Variants in PPM1L observed in about 807,000 individuals in gnomAD.
The protein encoded by PPM1L is protein phosphatase 1L.
A neutral mutation model predicts 31.4 loss-of-function variants in PPM1L; 13 were observed. The ratio of observed to expected loss-of-function variants is 0.41; its 90% confidence interval spans 0.27 to 0.66. The LOEUF (loss-of-function observed/expected upper bound fraction) is 0.66, where lower values mean the gene tolerates loss of function less well. Ranked by LOEUF, PPM1L falls within the 30% of genes least tolerant of loss-of-function variation. The pLI is 0.29. For synonymous variants in PPM1L, 184 were observed against 175.4 expected, an observed-to-expected ratio of 1.05 and a Z score of -0.39; for missense variants, 326 against 453.7, an observed-to-expected ratio of 0.72 and a Z score of 2.56.
At chr3:160,819,252 C>G (rs1379496754) in intron 1 of PPM1L, among the ~76,000 whole-genome samples, 1 of 151,748 alleles carries the variant, frequency 6.6e-6, no homozygotes, top group African/African-American at 2.4e-5. Flanking sequence ...TGTAAGACAC[C>G]CTGAAATGTG....
chr3:160,777,593 A>G (rs187490549), intron 1 of PPM1L, among the ~76,000 whole-genome samples: 243 of 152,312 alleles, frequency 1.6e-3, no homozygotes, highest in African/African-American at 5.2e-3. Context: ...ACTACTGCAT[A>G]TAAGTGGAAT....
chr3:160,765,739 G>T (rs1294322792), intron 1 of PPM1L, among the ~76,000 whole-genome samples: 2 of 152,170 alleles, frequency 1.3e-5, no homozygotes, highest in African/African-American at 2.4e-5. Context: ...TTACTTCAGA[G>T]TACCAAAGGC....
At chr3:160,832,994 C>G (rs923251430) in intron 1 of PPM1L, among the ~76,000 whole-genome samples, 2 of 152,122 alleles carry the variant, frequency 1.3e-5, no homozygotes, top group Non-Finnish European at 2.9e-5. Context: ...TGTTCAGCTC[C>G]CACTTATAAG....
chr3:161,063,818 A>C (rs1289834089), intron 2 of PPM1L, among the ~76,000 whole-genome samples: 3 of 152,242 alleles, frequency 2.0e-5, no homozygotes, highest in Non-Finnish European at 4.4e-5. Context: ...GCACATATAC[A>C]CCACGGAATA....
intron 1 of PPM1L, among the ~76,000 whole-genome samples, chr3:160,809,310 T>A (rs1712737334): frequency 6.6e-6 from 1 of 152,162 alleles, no homozygotes; most frequent in South Asian, 2.1e-4. Flanking sequence ...TTGGCATGGC[T>A]CTGAAGTAAA....
intron 1 of PPM1L, among the ~76,000 whole-genome samples, chr3:160,828,104 T>C (rs1476800422): frequency 6.6e-6 from 1 of 151,942 alleles, no homozygotes; most frequent in Non-Finnish European, 1.5e-5. Context: ...ACCTCCAGCA[T>C]TGGTGATTAC....
At chr3:160,999,815 T>TA (rs1717425862) in intron 2 of PPM1L, among the ~76,000 whole-genome samples, 1 of 152,238 alleles carries the variant, frequency 6.6e-6, no homozygotes, top group South Asian at 2.1e-4. Context: ...CAAAAGTACT[T>TA]ACCTTTGACT....
At chr3:160,792,907 T>C (rs1712143967) in intron 1 of PPM1L, among the ~76,000 whole-genome samples, 1 of 152,230 alleles carries the variant, frequency 6.6e-6, no homozygotes, top group African/African-American at 2.4e-5. Context: ...CACATTGATA[T>C]ATGATTACCA....
chr3:160,923,166 C>T (rs1480354538), intron 1 of PPM1L, among the ~76,000 whole-genome samples: 1 of 152,150 alleles, frequency 6.6e-6, no homozygotes, highest in African/African-American at 2.4e-5. Flanking sequence ...TCCCTATTCA[C>T]TGATGAGGTT....
chr3:160,898,725 C>T (rs1713431247), intron 1 of PPM1L, among the ~76,000 whole-genome samples: 1 of 152,154 alleles, frequency 6.6e-6, no homozygotes, highest in Non-Finnish European at 1.5e-5. Context: ...TCATGAAGAC[C>T]TATCACTGGG....
chr3:161,064,024 T>C (rs1442211592), intron 2 of PPM1L, among the ~76,000 whole-genome samples: 2 of 150,970 alleles, frequency 1.3e-5, no homozygotes, highest in African/African-American at 4.9e-5. Flanking sequence ...TGTCAGGGGG[T>C]GTGGGGCAAG....
intron 2 of PPM1L, among the ~76,000 whole-genome samples, chr3:160,978,855 A>AAG (rs1195614395): frequency 6.6e-6 from 1 of 151,790 alleles, no homozygotes; most frequent in Admixed American, 6.6e-5. Flanking sequence ...GAAAGAGAGA[A>AAG]AGAGAGAGAG....
chr3:160,800,675 G>C (rs891897844), intron 1 of PPM1L, among the ~76,000 whole-genome samples: 6 of 152,002 alleles, frequency 3.9e-5, no homozygotes, highest in African/African-American at 1.4e-4. Flanking sequence ...TGCAAGCCAG[G>C]TGATTTGTCA....
intron 1 of PPM1L, among the ~76,000 whole-genome samples, chr3:160,859,783 A>G (rs1369728130): frequency 2.6e-5 from 4 of 152,316 alleles, no homozygotes; most frequent in South Asian, 2.1e-4. Context: ...TCAGAACACT[A>G]CATGAAAATT....
chr3:160,934,183 G>C (rs1714881251), intron 1 of PPM1L, among the ~76,000 whole-genome samples: 1 of 152,204 alleles, frequency 6.6e-6, no homozygotes, highest in Non-Finnish European at 1.5e-5. Context: ...TCCCCCTCCT[G>C]TGCTGATATT....
At chr3:160,998,875 G>C (rs1286007488) in intron 2 of PPM1L, among the ~76,000 whole-genome samples, 1 of 152,092 alleles carries the variant, frequency 6.6e-6, no homozygotes, top group Non-Finnish European at 1.5e-5. Flanking sequence ...TTAGTAATGA[G>C]TTACAAAGGT....
At chr3:160,908,020 A>C (rs980358652) in intron 1 of PPM1L, among the ~76,000 whole-genome samples, 2 of 152,236 alleles carry the variant, frequency 1.3e-5, no homozygotes, top group African/African-American at 4.8e-5. Flanking sequence ...AGAGAAAGGG[A>C]GAGAATGATT....
At chr3:160,761,143 A>T (rs1467924497) in intron 1 of PPM1L, among the ~76,000 whole-genome samples, 1 of 152,208 alleles carries the variant, frequency 6.6e-6, no homozygotes, top group Admixed American at 6.5e-5. Context: ...AAAAAAGGAC[A>T]TGCATATCAA....
chr3:161,011,320 T>C (rs62282270), intron 2 of PPM1L, among the ~76,000 whole-genome samples: 8,985 of 152,296 alleles, frequency 0.059, 293 homozygotes, highest in African/African-American at 0.072. Flanking sequence ...AAAGATCAGA[T>C]GGTTGTAGAT....
Sources: gnomAD v4.1 joint callset for allele counts (sites outside exome capture counted in the v4.1 genomes callset) on GRCh38, gnomAD v4.1.1 for gene constraint, MANE v1.5 for transcripts, NCBI Gene and HGNC (gene_info 2026-07-23, HGNC 2026-07-21) for gene names.